The following CCSER2 variants were observed in gnomAD, a reference collection of about 807,000 sequenced individuals.
The protein encoded by CCSER2 is coiled-coil serine rich protein 2.
CCSER2 carries 46 observed loss-of-function variants against 92.3 expected under a neutral mutation model. The ratio of observed to expected loss-of-function variants is 0.50; its 90% CI spans 0.39 to 0.64. The LOEUF (loss-of-function observed/expected upper bound fraction) is 0.64. CCSER2 is among the 30% of genes least tolerant of loss of function. CCSER2 has a pLI of 0.00. For synonymous variants in CCSER2, 433 were observed against 431.4 expected, an observed-to-expected ratio of 1.00 and a Z score of -0.04; for missense variants, 1,244 against 1,238.9, an observed-to-expected ratio of 1.00 and a Z score of -0.06.
chr10:84,425,912 T>TA lies in CCSER2; in HGVS notation c.1868+20dup, dbSNP rs1282247863. ...TGAGCAGGTAAGTACTGTTCTGACTTAGATTTCATTTGCTGTCCTCTGATT... is the reference window on the plus strand; with the variant it reads ...TGAGCAGGTAAGTACTGTTCTGACTTAAGATTTCATTTGCTGTCCTCTGATT... On this transcript the variant is annotated intron_variant, in intron 5 of 9. Transcript: ENST00000372088. 2.8e-6 allele frequency: 4 copies of TA among 1,449,118 alleles called. No homozygotes were observed. Among genetic ancestry groups the TA allele is most frequent in the Non-Finnish European group, 3.7e-6 (4 of 1,079,566 alleles). The allele number at this position is 1,449,118 out of a possible 1,614,324, so 89.8% of individuals were successfully genotyped here. A position where few individuals can be genotyped will look rare whatever the true frequency, so the allele number is the denominator to read the frequency against.
intron 9 of CCSER2, among the ~76,000 whole-genome samples, chr10:84,479,300 G>A (rs1373940053): frequency 6.6e-6 from 1 of 152,226 alleles, no homozygotes. Context: ...TAATTAATAA[G>A]TGGCTGAGCT....
At chr10:84,460,840 A>G (rs1451684488) in intron 6 of CCSER2, among the ~76,000 whole-genome samples, 1 of 152,018 alleles carries the variant, frequency 6.6e-6, no homozygotes, top group East Asian at 1.9e-4. Flanking sequence ...TTCATTCCTG[A>G]TAATGTTTTG....
chr10:84,504,625 T>C (rs1474640683), intron 9 of CCSER2, among the ~76,000 whole-genome samples: 1 of 152,220 alleles, frequency 6.6e-6, no homozygotes, highest in East Asian at 1.9e-4. Flanking sequence ...AATTACACTT[T>C]CACAAATATT....
chr10:84,377,467 A>G (rs1377089860), intron 3 of CCSER2, among the ~76,000 whole-genome samples: 2 of 152,202 alleles, frequency 1.3e-5, no homozygotes, highest in Non-Finnish European at 2.9e-5. Flanking sequence ...GACTGCATAT[A>G]TAAATATTTC....
chr10:84,340,852 T>C (rs576339928), intron 1 of CCSER2, among the ~76,000 whole-genome samples: 70 of 152,112 alleles, frequency 4.6e-4, no homozygotes, highest in Admixed American at 9.8e-4. Context: ...GGCCACTTCC[T>C]GTGTTCCCGA....
intron 5 of CCSER2, among the ~76,000 whole-genome samples, chr10:84,434,776 ATTG>A (rs1264019065): frequency 1.3e-5 from 2 of 152,144 alleles, no homozygotes; most frequent in African/African-American, 4.8e-5. Context: ...GGAGACAAGT[ATTG>A]TTATTTTGCC....
At chr10:84,383,590 G>A (rs1454691483) in intron 3 of CCSER2, among the ~76,000 whole-genome samples, 2 of 152,094 alleles carry the variant, frequency 1.3e-5, no homozygotes, top group East Asian at 1.9e-4. Flanking sequence ...GATTACAAGC[G>A]TGAGCCACCG....
At chr10:84,420,935 A>AAAAAAAAG (rs1843116814) in intron 4 of CCSER2, among the ~76,000 whole-genome samples, 1 of 150,216 alleles carries the variant, frequency 6.7e-6, no homozygotes, top group South Asian at 2.1e-4. Context: ...TCCATCTCAA[A>AAAAAAAAG]AAAAAAAAAA....
intron 1 of CCSER2, among the ~76,000 whole-genome samples, chr10:84,333,894 A>G (rs1050591863): frequency 3.9e-5 from 6 of 152,242 alleles, no homozygotes; most frequent in Non-Finnish European, 7.3e-5. Flanking sequence ...TACCTATTCT[A>G]GTAACATATC....
At chr10:84,451,566 A>G (rs1845292509) in intron 6 of CCSER2, among the ~76,000 whole-genome samples, 1 of 152,194 alleles carries the variant, frequency 6.6e-6, no homozygotes, top group Admixed American at 6.5e-5. Flanking sequence ...TTTAAAAACC[A>G]AAATCTAGAA....
chr10:84,394,731 T>TAGGA (rs1554840122), intron 3 of CCSER2, among the ~76,000 whole-genome samples: 1 of 151,800 alleles, frequency 6.6e-6, no homozygotes, highest in Non-Finnish European at 1.5e-5. Flanking sequence ...ATTTTTAAAA[T>TAGGA]AAGATATAAC....
rs57427963 is a variant in CCSER2, at chr10:84,483,953, TTATATATATATATATATATATATATA to T, written c.2325+6308_2325+6333del. On this transcript the variant is annotated intron_variant, in intron 9 of 9. Coordinates refer to ENST00000372088, the MANE Select transcript of CCSER2 (RefSeq NM_001284240.2). The stretch of plus-strand genomic sequence containing the variant: ...GTGCATCCCACCACACCCGGCTAAT[TTATATATATATATATATATATATATA>T]TATATATATATATATATAATTTTTT... Among the ~76,000 whole-genome samples the T allele has an allele frequency of 1.9e-4, 9 of 48,056 alleles. No homozygotes were observed. In the East Asian group the frequency reaches 2.9e-3, roughly 16 times the overall value. The allele number at this position is 48,056 out of a possible 152,430, so 31.5% of individuals were successfully genotyped here.
intron 6 of CCSER2, among the ~76,000 whole-genome samples, chr10:84,458,621 A>C (rs1009041446): frequency 7.2e-5 from 11 of 152,200 alleles, no homozygotes; most frequent in Admixed American, 5.9e-4. Context: ...AGTTTGGAAG[A>C]GAATTGATAT....
At position 84,517,498 on chromosome 10, in the gene CCSER2, A is replaced by C. The variant is rs1346585882; in HGVS notation, c.*3231A>C. ...TTACTAAGTACTTTAACAAGTAAAA[A>C]TCTGAATATGAAAGAAAATATCAGA... On this transcript the variant is annotated 3_prime_UTR_variant, in exon 10 of 10. Coordinates refer to ENST00000372088, the MANE Select transcript of CCSER2 (RefSeq NM_001284240.2). The C allele has an allele frequency of 6.6e-6, 1 of 152,668 alleles. No individual in the cohort carries two copies. Among genetic ancestry groups the C allele is most frequent in the Non-Finnish European group, 1.5e-5 (1 of 68,040 alleles). 9.5% of individuals were successfully genotyped at this position (152,668 alleles called of 1,614,324 possible). A position where few individuals can be genotyped will look rare whatever the true frequency, so the allele number is the denominator to read the frequency against.
chr10:84,500,477 G>C (rs964518633), intron 9 of CCSER2, among the ~76,000 whole-genome samples: 12 of 152,074 alleles, frequency 7.9e-5, no homozygotes, highest in African/African-American at 2.2e-4. Context: ...TTCTAAAAGT[G>C]GTTTAAAACA....
intron 5 of CCSER2, among the ~76,000 whole-genome samples, chr10:84,436,322 T>C (rs1844128390): frequency 6.1e-5 from 1 of 16,442 alleles, no homozygotes; most frequent in Non-Finnish European, 9.4e-5. Context: ...CGAGACTCCG[T>C]CTCAAAAAAA....
chr10:84,489,760 G>A (rs1229212977), intron 9 of CCSER2, among the ~76,000 whole-genome samples: 1 of 152,154 alleles, frequency 6.6e-6, no homozygotes, highest in Non-Finnish European at 1.5e-5. Flanking sequence ...ATATTGTTAT[G>A]TGTGAATTTG....
At chr10:84,410,633 T>C (rs1437771353) in intron 3 of CCSER2, among the ~76,000 whole-genome samples, 1 of 152,246 alleles carries the variant, frequency 6.6e-6, no homozygotes, top group Non-Finnish European at 1.5e-5. Flanking sequence ...CTAGTAAATT[T>C]GCTTAAGTTT....
intron 3 of CCSER2, among the ~76,000 whole-genome samples, chr10:84,375,209 A>G (rs1015452361): frequency 6.6e-6 from 1 of 152,178 alleles, no homozygotes; most frequent in East Asian, 1.9e-4. Flanking sequence ...CTTTCTGTCA[A>G]AGATTTCAGA....
Sources: allele counts gnomAD v4.1 joint callset (sites outside exome capture counted in the v4.1 genomes callset), GRCh38; gene constraint gnomAD v4.1.1; transcripts MANE v1.5; gene names NCBI Gene and HGNC (gene_info 2026-07-23, HGNC 2026-07-21).